The following TLR1 variants were observed in gnomAD, a reference collection of about 807,000 sequenced individuals.
TLR1 encodes the protein toll-like receptor 1.
TLR1 carries 19 observed loss-of-function variants against 20.2 expected under a neutral mutation model. The observed-to-expected ratio is 0.94, with a 90% CI of 0.66 to 1.38. The LOEUF (loss-of-function observed/expected upper bound fraction) is 1.38, where lower values mean the gene tolerates loss of function less well. Among genes scored for constraint, TLR1 ranks in the 40% most tolerant of loss-of-function variants. The pLI, the probability that TLR1 is intolerant of heterozygous loss-of-function variation, is 0.00. For missense variants in TLR1, 921 were observed against 910.0 expected (o/e 1.01, Z -0.16); for synonymous variants, 320 against 334.5 (o/e 0.96, Z 0.47).
At position 38,796,545 on chromosome 4, in the gene TLR1, T is replaced by C; in HGVS notation, c.2287A>G (p.Ser763Gly). ...RTYLEWPKEKSKRGLFWANLR... is the reference protein window; with the variant it reads ...RTYLEWPKEKGKRGLFWANLR... ...TTAGCCCAAAAAAGGCCACGTTTGCTCTTTTCCTTGGGCCATTCCAAATAA... is the reference window on the plus strand; with the variant it reads ...TTAGCCCAAAAAAGGCCACGTTTGCCCTTTTCCTTGGGCCATTCCAAATAA... The change falls in exon 4 of 4, where the codon AGC (serine) becomes GGC (glycine). Residue 763 changes from serine to glycine, a missense_variant. By Grantham distance (56) the Ser-to-Gly change is moderately conservative. Coordinates refer to ENST00000308979, the MANE Select transcript of TLR1 (RefSeq NM_003263.4). 6.2e-7 allele frequency: 1 copy of C among 1,614,206 alleles called. No homozygotes were observed. Among genetic ancestry groups the C allele is most frequent in the Non-Finnish European group, 8.5e-7 (1 of 1,180,024 alleles).
Position 38,798,333 on chromosome 4 carries a change from C to A in TLR1, c.499G>T (p.Val167Phe). 1.9e-6 allele frequency: 3 copies of A among 1,613,936 alleles called. No individual in the cohort carries two copies. The highest frequency in any genetic ancestry group is 2.5e-6 in the Non-Finnish European group (3 of 1,179,958). ...LPIAHLNISK[V>F]LLVLGETYGE... ...TAAGTCTCTCCTAAGACCAGCAAGA[C>A]CTTGCTGATATTCAAATGAGCAATT... Residue 167 changes from valine (V) to phenylalanine (F), a missense_variant, in exon 4 of 4, where the codon GTC becomes TTC. Val to Phe is a conservative substitution (Grantham distance 50). Coordinates refer to ENST00000308979, the MANE Select transcript of TLR1 (RefSeq NM_003263.4).
Position 38,797,456 on chromosome 4 carries a change from CT to C in TLR1, c.1375del (p.Ser459AlafsTer7). On this transcript the variant is annotated frameshift_variant, in exon 4 of 4. Transcript: ENST00000308979. LOFTEE classifies it high-confidence loss of function. ...CAGTTTTACGACTTGTTTAGGAATGCTCTTTATTTTATTGCTGTGAAGATCA... is the reference window on the plus strand; with the variant it reads ...CAGTTTTACGACTTGTTTAGGAATGCCTTTATTTTATTGCTGTGAAGATCA... ...VLDLHSNKIKSIPKQVVKLEA... is the reference protein window; with the variant it reads ...VLDLHSNKIKXIPKQVVKLEA... 6.2e-7 allele frequency: 1 copy of C among 1,614,204 alleles called. No homozygotes were observed. Among genetic ancestry groups the C allele is most frequent in the Non-Finnish European group, 8.5e-7 (1 of 1,180,036 alleles).
chr4:38,803,495 GC>G (rs543477601), intron 2 of TLR1, among the ~76,000 whole-genome samples: 130 of 152,232 alleles, frequency 8.5e-4, no homozygotes, highest in African/African-American at 3.1e-3. Context: ...TCTTCTATTT[GC>G]CTAACCTCCA....
At chr4:38,791,029 G>A (rs1012185035) in exon 4 of TLR1, 14 of 152,092 alleles carry the variant, frequency 9.2e-5, no homozygotes, top group African/African-American at 3.4e-4. Flanking sequence ...CACACGGGTG[G>A]GTGTTTATCT....
At chr4:38,801,483 C>T (rs892863765) in intron 2 of TLR1, among the ~76,000 whole-genome samples, 1 of 152,170 alleles carries the variant, frequency 6.6e-6, no homozygotes, top group African/African-American at 2.4e-5. Flanking sequence ...AAAAATAATA[C>T]CCTGGGGCAG....
In TLR1 at chr4:38,797,064, T is replaced by C. The variant is rs753422993; in HGVS notation, c.1768A>G (p.Met590Val). Residue 590 changes from methionine (M) to valine (V), a missense_variant, in exon 4 of 4, where the codon ATG (methionine) becomes GTG (valine). By Grantham distance (21) the Met-to-Val change is conservative (BLOSUM62 1). Transcript: ENST00000308979. The stretch of plus-strand genomic sequence containing the variant: ...GTCACAGTCACAGCCAACACCAGCA[T>C]GGTGGCAACGATGGTGACGATCAGC... ...TLLIVTIVAT[M>V]LVLAVTVTSL... 5.0e-6 allele frequency: 8 copies of C among 1,614,182 alleles called. No individual in the cohort carries two copies. Among genetic ancestry groups the C allele is most frequent in the Middle Eastern group, 1.6e-4 (1 of 6,062 alleles).
downstream of TLR1, among the ~76,000 whole-genome samples, chr4:38,788,782 G>A (rs369053855): frequency 2.5e-3 from 384 of 152,274 alleles, 13 homozygotes; most frequent in South Asian, 0.074. Flanking sequence ...CAAGGCAGGA[G>A]GATCCTTTGA....
chr4:38,796,288 TC>T lies in TLR1; in HGVS notation c.*182del. The T allele has an allele frequency of 1.5e-6, 1 of 648,174 alleles. No individual in the cohort carries two copies. Among genetic ancestry groups the T allele is most frequent in the Non-Finnish European group, 2.6e-6 (1 of 388,680 alleles). 40.2% of individuals were successfully genotyped at this position (648,174 alleles called of 1,614,324 possible). ...CAGAACTGTTTAAATCAAAGTTATA[TC>T]ATTTCATTAATTTTTAATACCACAT... is the stretch of plus-strand genomic sequence containing the variant. On this transcript the variant is annotated 3_prime_UTR_variant, in exon 4 of 4. Transcript: ENST00000308979.
At position 38,798,492 on chromosome 4, in the gene TLR1, C is replaced by T; in HGVS notation, c.340G>A (p.Val114Met). ...KLVKISCHPT[V>M]NLKHLDLSFN... ...GACAGGTCCAAGTGCTTGAGGTTCA[C>T]AGTAGGGTGGCAAGAAATCTTCACC... is the stretch of plus-strand genomic sequence containing the variant. Residue 114 changes from valine (V) to methionine (M), a missense_variant, in exon 4 of 4, where the codon GTG becomes ATG. Transcript: ENST00000308979. 3.1e-6 allele frequency: 5 copies of T among 1,614,126 alleles called. No individual in the cohort carries two copies. The highest frequency in any genetic ancestry group is 4.2e-6 in the Non-Finnish European group (5 of 1,180,024).
At chr4:38,790,799 T>A (rs1451501059), downstream of TLR1, 1 of 152,208 alleles carries the variant, frequency 6.6e-6, no homozygotes, top group African/African-American at 2.4e-5. Context: ...CTTTAACATA[T>A]TTTCCAATGC....
intron 2 of TLR1, among the ~76,000 whole-genome samples, chr4:38,801,247 T>A (rs2109364330): frequency 6.6e-6 from 1 of 152,284 alleles, no homozygotes; most frequent in East Asian, 1.9e-4. Flanking sequence ...GATTAGTACC[T>A]TTATAAAAAA....
rs1033423282 is a variant in TLR1 at position 38,798,280 on chromosome 4, A to G, written c.552T>C (p.Leu184=). The G allele has an allele frequency of 3.1e-6, 5 of 1,611,884 alleles. No homozygotes were observed. The African/African-American group carries it at 5.3e-5, about 17-fold the overall frequency. Residue 184 remains leucine (L), a synonymous_variant, in exon 4 of 4, where the codon CTT becomes CTC. Coordinates refer to ENST00000308979, the MANE Select transcript of TLR1 (RefSeq NM_003263.4). ...GCAGACTCTCAGTGTTAAAGTCTTG[A>G]AGGCCCTCAGGGTCTTCTTTTTCCC... ...TYGEKEDPEG[L]QDFNTESLHI...
Position 38,797,011 on chromosome 4 carries a change from G to A in TLR1, c.1821C>T (p.Pro607=). 2 of 1,614,188 alleles carry A rather than the reference G, an allele frequency of 1.2e-6. No homozygotes were observed. Among genetic ancestry groups the A allele is most frequent in the Admixed American group, 3.3e-5 (2 of 60,020 alleles). The change falls in exon 4 of 4, where the codon CCC becomes CCT. Residue 607 remains proline, a synonymous_variant. Transcript: ENST00000308979. ...VTSLCSYLDL[P]WYLRMVCQWT... is the part of the protein sequence containing the mutation. ...ACTGGCACACCATCCTGAGATACCA[G>A]GGCAGATCCAAGTAGCTGCAGAGGG...
At chr4:38,791,412 A>G (rs1438847602), downstream of TLR1, among the ~76,000 whole-genome samples, 1 of 152,240 alleles carries the variant, frequency 6.6e-6, no homozygotes, top group Non-Finnish European at 1.5e-5. Flanking sequence ...CCACATATCA[A>G]TGGAGATCTT....
At position 38,796,940 on chromosome 4, in the gene TLR1, A is replaced by G; in HGVS notation, c.1892T>C (p.Leu631Pro). ...TGCATGAAACTGGAGATTTCTTTGG[A>G]GTTCTTCTAAGGGTATGTTCCTGGC... is the stretch of plus-strand genomic sequence containing the variant. ...RRARNIPLEE[L>P]QRNLQFHAFI... Residue 631 changes from leucine (L) to proline (P), a missense_variant, in exon 4 of 4, where the codon CTC becomes CCC. Physicochemically the swap from Leu to Pro is moderately conservative, Grantham distance 98. Coordinates refer to ENST00000308979, the MANE Select transcript of TLR1 (RefSeq NM_003263.4). 4.3e-6 allele frequency: 7 copies of G among 1,614,142 alleles called. No homozygotes were observed. Among genetic ancestry groups the G allele is most frequent in the South Asian group, 1.1e-5 (1 of 91,076 alleles).
chr4:38,797,693 T>C lies in TLR1; in HGVS notation c.1139A>G (p.Gln380Arg), dbSNP rs757913587. The C allele has an allele frequency of 6.2e-7, 1 of 1,614,034 alleles. No individual in the cohort carries two copies. Residue 380 changes from glutamine (Q) to arginine (R), a missense_variant, in exon 4 of 4, where the codon CAA (glutamine) becomes CGA (arginine). Gln to Arg is a conservative substitution (Grantham distance 43, BLOSUM62 1). Coordinates refer to ENST00000308979, the MANE Select transcript of TLR1 (RefSeq NM_003263.4). Reference protein sequence around the residue: ...HLTELETLILQMNQLKELSKI... With the variant: ...HLTELETLILRMNQLKELSKI... ...TGAAAGTTCTTTTAATTGATTCATT[T>C]GTAAAATAAGTGTCTCCAACTCAGT...
downstream of TLR1, among the ~76,000 whole-genome samples, chr4:38,787,967 T>C (rs1355247721): frequency 1.3e-5 from 2 of 152,222 alleles, no homozygotes; most frequent in Non-Finnish European, 2.9e-5. Context: ...CCCTCTCAAC[T>C]GACCCTGCTC....
chr4:38,793,785 G>T (rs1048070446), downstream of TLR1, among the ~76,000 whole-genome samples: 1 of 151,864 alleles, frequency 6.6e-6, no homozygotes, highest in Non-Finnish European at 1.5e-5. Context: ...CAGAACCTCA[G>T]AATTACCCCT....
At chr4:38,788,799 G>T (rs1239024401), downstream of TLR1, among the ~76,000 whole-genome samples, 1 of 152,130 alleles carries the variant, frequency 6.6e-6, no homozygotes, top group African/African-American at 2.4e-5. Context: ...TTGAAGCCAG[G>T]AGTTCAAGGC....
Sources: allele counts gnomAD v4.1 joint callset (sites outside exome capture counted in the v4.1 genomes callset), GRCh38; gene constraint gnomAD v4.1.1; transcripts MANE v1.5; gene names NCBI Gene and HGNC (gene_info 2026-07-23, HGNC 2026-07-21).